The following CALCR variants were observed in gnomAD, a reference collection of about 807,000 sequenced individuals.
CALCR encodes the protein calcitonin receptor.
A neutral mutation model predicts 59.5 loss-of-function variants in CALCR; 47 were observed. The ratio of observed to expected loss-of-function variants is 0.79; its 90% CI spans 0.63 to 1.01. CALCR has a LOEUF of 1.01. CALCR is among the 50% of genes least tolerant of loss of function. The pLI, the probability that CALCR is intolerant of heterozygous loss-of-function variation, is 0.00. For missense variants in CALCR, 566 were observed against 597.1 expected, an observed-to-expected ratio of 0.95 and a Z score of 0.54; for synonymous variants, 213 against 211.3, an observed-to-expected ratio of 1.01 and a Z score of -0.07.
At chr7:93,526,100 G>C (rs1326697726) in intron 2 of CALCR, among the ~76,000 whole-genome samples, 1 of 152,134 alleles carries the variant, frequency 6.6e-6, no homozygotes, top group African/African-American at 2.4e-5. Context: ...TCAACATAAA[G>C]ATTAGAAACC....
At chr7:93,551,610 T>C (rs1425916514) in intron 2 of CALCR, among the ~76,000 whole-genome samples, 1 of 152,184 alleles carries the variant, frequency 6.6e-6, no homozygotes, top group South Asian at 2.1e-4. Context: ...GGTAAAATCT[T>C]GTAGGAGCTT....
chr7:93,529,694 A>G (rs1309294187), intron 2 of CALCR, among the ~76,000 whole-genome samples: 1 of 152,168 alleles, frequency 6.6e-6, no homozygotes, highest in Non-Finnish European at 1.5e-5. Flanking sequence ...TGATTAAAAT[A>G]TTGGGTCAAG....
chr7:93,434,835 T>C (rs1002264144), intron 12 of CALCR, among the ~76,000 whole-genome samples: 1 of 152,200 alleles, frequency 6.6e-6, no homozygotes, highest in Non-Finnish European at 1.5e-5. Flanking sequence ...GTTTTGATTA[T>C]GGCTAAAAGA....
rs76823832 is a variant in CALCR, at chr7:93,534,215, C to T, written c.-27+40074G>A. On this transcript the variant is annotated intron_variant, in intron 2 of 13. Transcript: ENST00000426151. ...TAACAGTCTAATATTTACAATAGCC[C>T]TAAGAAGTATGTATTGTACTTATAC... Among the ~76,000 whole-genome samples the T allele has an allele frequency of 4.9e-3, 741 of 151,748 alleles. 11 individuals carry two copies. The highest frequency in any genetic ancestry group is 0.017 in the African/African-American group (702 of 41,448).
chr7:93,459,104 T>C (rs1161888919), intron 8 of CALCR, among the ~76,000 whole-genome samples: 3 of 152,212 alleles, frequency 2.0e-5, no homozygotes, highest in African/African-American at 7.2e-5. Flanking sequence ...AATTATAAAT[T>C]ATTTAAACAG....
rs1262710688 is a variant in CALCR at position 93,425,916 on chromosome 7, A to AAATT, written c.*436_*439dup. On this transcript the variant is annotated 3_prime_UTR_variant, in exon 14 of 14. Transcript: ENST00000426151. ...CATCAGAATTGACTGAAATTTAAAA[A>AAATT]AATTAAAAATCAGATCCATAGCCAA... The AAATT allele has an allele frequency of 2.6e-5, 4 of 154,544 alleles. No homozygotes were observed. The highest frequency in any genetic ancestry group is 9.6e-5 in the African/African-American group (4 of 41,488). The allele number at this position is 154,544 out of a possible 1,614,324, so 9.6% of individuals were successfully genotyped here. A position where few individuals can be genotyped will look rare whatever the true frequency, so the allele number is the denominator to read the frequency against.
chr7:93,521,118 C>T (rs902498576), intron 2 of CALCR, among the ~76,000 whole-genome samples: 19 of 152,128 alleles, frequency 1.2e-4, no homozygotes, highest in Non-Finnish European at 2.8e-4. Flanking sequence ...CAAAACAAAT[C>T]CAACAATTTG....
intron 2 of CALCR, among the ~76,000 whole-genome samples, chr7:93,496,140 A>G (rs999024079): frequency 4.0e-5 from 6 of 151,490 alleles, no homozygotes; most frequent in African/African-American, 7.3e-5. Context: ...CTATTCTTAT[A>G]GATTGGCATT....
chr7:93,463,989 C>T (rs1350866150), intron 7 of CALCR, among the ~76,000 whole-genome samples: 1 of 151,980 alleles, frequency 6.6e-6, no homozygotes, highest in Non-Finnish European at 1.5e-5. Flanking sequence ...ACATAATCTA[C>T]CAATCAAGGT....
intron 8 of CALCR, among the ~76,000 whole-genome samples, chr7:93,460,572 A>AAAAAAAATATAC (rs1554397787): frequency 9.0e-5 from 6 of 66,540 alleles, no homozygotes; most frequent in African/African-American, 4.0e-4. Context: ...AAAAAAAAAA[A>AAAAAAAATATAC]ATATATATAT....
intron 2 of CALCR, among the ~76,000 whole-genome samples, chr7:93,508,866 A>T (rs1584594560): frequency 6.6e-6 from 1 of 152,184 alleles, no homozygotes; most frequent in Non-Finnish European, 1.5e-5. Flanking sequence ...CCCTAGGTAC[A>T]TGCAGTAATG....
intron 3 of CALCR, among the ~76,000 whole-genome samples, chr7:93,481,592 C>T (rs912432337): frequency 2.0e-5 from 3 of 151,722 alleles, no homozygotes; most frequent in African/African-American, 4.8e-5. Flanking sequence ...TAAGTAAGTC[C>T]TATTTTGGGT....
chr7:93,474,108 A>G (rs1800614536), intron 5 of CALCR, among the ~76,000 whole-genome samples: 1 of 151,788 alleles, frequency 6.6e-6, no homozygotes, highest in South Asian at 2.1e-4. Context: ...CTTAAAAATA[A>G]ATAAGAAAAC....
chr7:93,510,733 G>A (rs1272418276), intron 2 of CALCR, among the ~76,000 whole-genome samples: 1 of 151,834 alleles, frequency 6.6e-6, no homozygotes, highest in Non-Finnish European at 1.5e-5. Flanking sequence ...AATTAGCTAG[G>A]TGTCTGTAGT....
At chr7:93,537,124 C>A (rs764141638) in intron 2 of CALCR, among the ~76,000 whole-genome samples, 5 of 151,284 alleles carry the variant, frequency 3.3e-5, no homozygotes, top group Admixed American at 1.3e-4. Flanking sequence ...GAAAAAAAAA[C>A]CAATGTAAAG....
intron 2 of CALCR, among the ~76,000 whole-genome samples, chr7:93,538,964 G>A (rs1228717917): frequency 2.0e-5 from 3 of 152,056 alleles, no homozygotes; most frequent in Non-Finnish European, 2.9e-5. Flanking sequence ...ATCCTCTAGA[G>A]TTTAAGAGTC....
chr7:93,570,611 AT>A (rs1789978851), intron 2 of CALCR, among the ~76,000 whole-genome samples: 1 of 152,208 alleles, frequency 6.6e-6, no homozygotes, highest in Admixed American at 6.5e-5. Flanking sequence ...TTTATATGCT[AT>A]TTTTAAAAAA....
At chr7:93,496,970 C>T (rs1801217223) in intron 2 of CALCR, among the ~76,000 whole-genome samples, 1 of 151,528 alleles carries the variant, frequency 6.6e-6, no homozygotes, top group African/African-American at 2.4e-5. Context: ...CAGGAACTAA[C>T]TTGCCAAGGC....
In CALCR at chr7:93,436,066, G is replaced by A; in HGVS notation, c.1035C>T (p.Thr345=). ...TTCCCAGCAGGGGCACAAGGATCAT[G>A]GTGGCCTTCACAGCCTTCAGGTACA... is the stretch of plus-strand genomic sequence containing the variant. ...SHMYLKAVKA[T]MILVPLLGIQ... Residue 345 remains threonine (T), a synonymous_variant, in exon 12 of 14, where the codon ACC becomes ACT. Transcript: ENST00000426151. The A allele has an allele frequency of 6.2e-7, 1 of 1,613,886 alleles. No homozygotes were observed. Among genetic ancestry groups the A allele is most frequent in the Non-Finnish European group, 8.5e-7 (1 of 1,179,778 alleles).
Sources: allele counts gnomAD v4.1 joint callset (sites outside exome capture counted in the v4.1 genomes callset), GRCh38; gene constraint gnomAD v4.1.1; transcripts MANE v1.5; gene names NCBI Gene and HGNC (gene_info 2026-07-23, HGNC 2026-07-21).